Variants in AFG3L2 observed in about 807,000 individuals in gnomAD.
The protein encoded by AFG3L2 is AFG3 like matrix AAA peptidase subunit 2, also known as mitochondrial inner membrane m-AAA protease component AFG3L2.
AFG3L2 carries 54 observed loss-of-function variants against 94.5 expected under a neutral mutation model. The observed-to-expected ratio is 0.57, with a 90% CI of 0.46 to 0.72. The LOEUF (loss-of-function observed/expected upper bound fraction) is 0.72, where lower values mean the gene tolerates loss of function less well. AFG3L2 is among the 30% of genes least tolerant of loss of function. AFG3L2 has a pLI of 0.00. For missense variants in AFG3L2, 754 were observed against 994.9 expected, an observed-to-expected ratio of 0.76 and a Z score of 3.26; for synonymous variants, 377 against 365.5, an observed-to-expected ratio of 1.03 and a Z score of -0.36.
At chr18:12,359,845 A>G (rs2143195387) in intron 7 of AFG3L2, 82 bp downstream of exon 7, 1 of 1,547,444 alleles carries the variant, frequency 6.5e-7, no homozygotes, top group Non-Finnish European at 8.9e-7. Flanking sequence ...AATATAATGT[A>G]TAGCCCTGCA....
intron 6 of AFG3L2, 24 bp from the exon 7 acceptor site, chr18:12,360,075 T>C (rs1324714054): frequency 6.2e-7 from 1 of 1,611,566 alleles, no homozygotes; most frequent in South Asian, 1.1e-5. Context: ...AAAACAAATA[T>C]CCTAAGAATG....
chr18:12,361,002 A>G (rs781546357), intron 6 of AFG3L2, among the ~76,000 whole-genome samples: 6 of 152,204 alleles, frequency 3.9e-5, no homozygotes, highest in Non-Finnish European at 7.3e-5. Flanking sequence ...GTACAAAAAA[A>G]CTTTGTTTCT....
At chr18:12,352,809 T>G (rs559415554) in intron 10 of AFG3L2, among the ~76,000 whole-genome samples, 196 bp downstream of exon 10, 36 of 152,188 alleles carry the variant, frequency 2.4e-4, no homozygotes, top group African/African-American at 8.4e-4. Flanking sequence ...GACTCTCATT[T>G]TGGGGACATG....
At chr18:12,354,316 G>A (rs977152665) in intron 9 of AFG3L2, among the ~76,000 whole-genome samples, 1 of 152,026 alleles carries the variant, frequency 6.6e-6, no homozygotes, top group Non-Finnish European at 1.5e-5. Flanking sequence ...ATCCCATCCC[G>A]GCATGAACAG....
intron 8 of AFG3L2, among the ~76,000 whole-genome samples, chr18:12,357,823 T>C (rs2143188845): frequency 6.6e-6 from 1 of 152,120 alleles, no homozygotes; most frequent in East Asian, 1.9e-4. Flanking sequence ...GGTCTCGAAC[T>C]CCTGACCTCA....
Position 12,363,831 on chromosome 18 carries a change from T to C in AFG3L2, c.578A>G (p.Lys193Arg), listed in dbSNP as rs1304179259. The C allele has an allele frequency of 1.2e-6, 2 of 1,613,384 alleles. No individual in the cohort carries two copies. Among genetic ancestry groups the C allele is most frequent in the African/African-American group, 1.3e-5 (1 of 75,046 alleles). ...GVVDRLEVVNKRFVRVTFTPG... is the reference protein window; with the variant it reads ...GVVDRLEVVNRRFVRVTFTPG... ...TGTAAAGGTCACTCGAACAAAACGCTTGTTGACGACTTCCAATCTGTCTAC... is the reference window on the plus strand; with the variant it reads ...TGTAAAGGTCACTCGAACAAAACGCCTGTTGACGACTTCCAATCTGTCTAC... Residue 193 changes from lysine (K) to arginine (R), a missense_variant, in exon 6 of 17, where the codon AAG (lysine) becomes AGG (arginine). Lys to Arg is a conservative substitution (Grantham distance 26). Around this residue, in one of 4 missense-constraint regions of AFG3L2, gnomAD observed 130 missense variants for 175.1 expected, o/e 0.74. Coordinates refer to ENST00000269143, the MANE Select transcript of AFG3L2 (RefSeq NM_006796.3).
chr18:12,371,215 G>A lies in AFG3L2; in HGVS notation c.215-289C>T, dbSNP rs901159660. Among the ~76,000 whole-genome samples the A allele has an allele frequency of 2.0e-5, 3 of 151,858 alleles. No homozygotes were observed. The East Asian group carries it at 5.8e-4, about 29-fold the overall frequency. On this transcript the variant is annotated intron_variant, in intron 2 of 16. Transcript: ENST00000269143. Reference sequence around the variant, plus strand: ...TGTAATCCCAGCTACTCGGGAGGCTGAGGCAGGAGAATCGCTTGAACCCAG... The same window carrying A: ...TGTAATCCCAGCTACTCGGGAGGCTAAGGCAGGAGAATCGCTTGAACCCAG...
At chr18:12,357,704 T>C (rs920113718) in intron 8 of AFG3L2, among the ~76,000 whole-genome samples, 3 of 152,130 alleles carry the variant, frequency 2.0e-5, no homozygotes, top group African/African-American at 7.2e-5. Context: ...TTGAAGCGAT[T>C]CTCCTGCCTC....
At chr18:12,369,027 C>T (rs116063802) in intron 3 of AFG3L2, among the ~76,000 whole-genome samples, 2,640 of 152,158 alleles carry the variant, frequency 0.017, 64 homozygotes, top group African/African-American at 0.06. Context: ...ACATTCACTC[C>T]GCTATGCTGC....
Position 12,370,918 on chromosome 18 carries a change from T to G in AFG3L2, c.223A>C (p.Lys75Gln), listed in dbSNP as rs1908968133. The G allele has an allele frequency of 6.4e-7, 1 of 1,551,100 alleles. No homozygotes were observed. The highest frequency in any genetic ancestry group is 1.4e-5 in the African/African-American group (1 of 73,572). The change falls in exon 3 of 17, where the codon AAA becomes CAA. Residue 75 changes from lysine to glutamine, a missense_variant. Physicochemically the swap from Lys to Gln is moderately conservative, Grantham distance 53. Coordinates refer to ENST00000269143, the MANE Select transcript of AFG3L2 (RefSeq NM_006796.3). ...CCATTTTTTCCATTAGGAAAGTATT[T>G]TTCAAATCCTGTTAGAAAAAGAAAA... is the stretch of plus-strand genomic sequence containing the variant. ...FCSRPPKGFE[K>Q]YFPNGKNGKK...
chr18:12,339,227 ACT>A (rs1201063051), intron 15 of AFG3L2, among the ~76,000 whole-genome samples: 30 of 92,722 alleles, frequency 3.2e-4, no homozygotes, highest in African/African-American at 1.3e-3. Context: ...GGCGACCGAG[ACT>A]CTGTCTCAAA....
chr18:12,339,178 T>C (rs1339480722), intron 15 of AFG3L2, among the ~76,000 whole-genome samples: 2 of 137,590 alleles, frequency 1.5e-5, no homozygotes, highest in African/African-American at 5.6e-5. Context: ...CAGGCGGAGC[T>C]TGCAGTGTGC....
At chr18:12,348,148 G>T in intron 13 of AFG3L2, 125 bp downstream of exon 13, 1 of 785,920 alleles carries the variant, frequency 1.3e-6, no homozygotes, top group Non-Finnish European at 2.2e-6. Context: ...GAGCACAAAT[G>T]TGGTGGGCCC....
intron 10 of AFG3L2, among the ~76,000 whole-genome samples, chr18:12,352,284 G>A (rs80317403): frequency 0.039 from 5,969 of 152,244 alleles, 390 homozygotes; most frequent in African/African-American, 0.14. Flanking sequence ...TGACCATCGC[G>A]GGACGGAGGA....
Position 12,344,254 on chromosome 18 carries a change from A to G in AFG3L2, c.1664-7T>C, listed in dbSNP as rs1279832053. On this transcript the variant is annotated splice_polypyrimidine_tract_variant and splice_region_variant and intron_variant, in intron 13 of 16. Transcript: ENST00000269143. ...TGCGTTTTCTTCTCTAAGCCTAACA[A>G]AATAACAACAAAAAAACCCAAGCCA... is the stretch of plus-strand genomic sequence containing the variant. 1 of 1,609,962 alleles carries G rather than the reference A, an allele frequency of 6.2e-7. No individual in the cohort carries two copies. The highest frequency in any genetic ancestry group is 2.2e-5 in the East Asian group (1 of 44,870).
In AFG3L2 at chr18:12,356,592, T is replaced by TCTAG. The variant is rs1292126848; in HGVS notation, c.1164+98_1164+101dup. 5 of 1,536,458 alleles carry TCTAG rather than the reference T, an allele frequency of 3.3e-6. No homozygotes were observed. In the African/African-American group the frequency reaches 5.5e-5, roughly 17 times the overall value. Reference sequence around the variant, plus strand: ...AGGCCAGGGACTGGTGAGAGGTCACTCTAGCACTCTAGGGGGAAGGGCCAT... The same window carrying TCTAG: ...AGGCCAGGGACTGGTGAGAGGTCACTCTAGCTAGCACTCTAGGGGGAAGGGCCAT... On this transcript the variant is annotated intron_variant, in intron 9 of 16. Transcript: ENST00000269143.
intron 1 of AFG3L2, among the ~76,000 whole-genome samples, chr18:12,375,828 G>A (rs900010799): frequency 2.6e-5 from 4 of 151,532 alleles, no homozygotes; most frequent in African/African-American, 9.7e-5. Flanking sequence ...ACCGCGCCTG[G>A]CCTCTCCAGA....
intron 3 of AFG3L2, among the ~76,000 whole-genome samples, chr18:12,368,677 T>G (rs1908883606): frequency 6.6e-6 from 1 of 152,114 alleles, no homozygotes; most frequent in Admixed American, 6.6e-5. Flanking sequence ...CTCAGCTCAC[T>G]GCAACCTCTG....
Position 12,329,386 on chromosome 18 carries a change from T to C in AFG3L2, c.*179A>G. Reference sequence around the variant, plus strand: ...CCCTCAAGGCCTCCGGAAAGTCACCTGCCACCCACTGTGACCTCTGAGGCT... The same window carrying C: ...CCCTCAAGGCCTCCGGAAAGTCACCCGCCACCCACTGTGACCTCTGAGGCT... On this transcript the variant is annotated 3_prime_UTR_variant, in exon 17 of 17. Coordinates refer to ENST00000269143, the MANE Select transcript of AFG3L2 (RefSeq NM_006796.3). 1.4e-6 allele frequency: 1 copy of C among 713,218 alleles called. No homozygotes were observed. Among genetic ancestry groups the C allele is most frequent in the Non-Finnish European group, 2.5e-6 (1 of 403,662 alleles). 44.2% of individuals were successfully genotyped at this position (713,218 alleles called of 1,614,324 possible).
Sources: gnomAD v4.1 joint callset for allele counts (sites outside exome capture counted in the v4.1 genomes callset) on GRCh38, gnomAD v4.1.1 for gene constraint, gnomAD v4.1.1 regional missense constraint, MANE v1.5 for transcripts, NCBI Gene and HGNC (gene_info 2026-07-23, HGNC 2026-07-21) for gene names.